CLSTN2: variants seen among roughly 807,000 people sequenced by gnomAD.
The protein encoded by CLSTN2 is calsyntenin-2.
Under a neutral mutation model 101.2 loss-of-function variants are expected in CLSTN2, and 48 were observed. That is an observed-to-expected ratio of 0.47 (90% CI 0.38 to 0.60). CLSTN2 has a LOEUF of 0.60. Among genes scored for constraint, CLSTN2 ranks in the 20% least tolerant of loss-of-function variants. CLSTN2 has a pLI of 0.00. For missense variants in CLSTN2, 1,160 were observed against 1,238.2 expected, an observed-to-expected ratio of 0.94 and a Z score of 0.95; for synonymous variants, 481 against 463.6, an observed-to-expected ratio of 1.04 and a Z score of -0.48.
At chr3:140,059,454 T>G (rs2008157715) in intron 1 of CLSTN2, among the ~76,000 whole-genome samples, 1 of 151,720 alleles carries the variant, frequency 6.6e-6, no homozygotes, top group Admixed American at 6.5e-5. Context: ...GTGTTCCTGA[T>G]GGAGCTAAAA....
At chr3:139,964,450 G>A (rs1410930013) in intron 1 of CLSTN2, among the ~76,000 whole-genome samples, 1 of 152,144 alleles carries the variant, frequency 6.6e-6, no homozygotes, top group African/African-American at 2.4e-5. Context: ...TGCAGGATAT[G>A]GAGAGTCAGA....
intron 4 of CLSTN2, among the ~76,000 whole-genome samples, chr3:140,418,717 C>G (rs1359452791): frequency 1.3e-5 from 2 of 152,080 alleles, no homozygotes; most frequent in East Asian, 3.9e-4. Flanking sequence ...AGGGTTTCAC[C>G]TTGTTGGTCA....
chr3:140,250,833 G>A (rs2086557972), intron 2 of CLSTN2, among the ~76,000 whole-genome samples: 1 of 152,180 alleles, frequency 6.6e-6, no homozygotes, highest in African/African-American at 2.4e-5. Flanking sequence ...CTTCATTAAT[G>A]TGAAATGTAG....
chr3:140,468,368 G>T (rs1933758574), intron 8 of CLSTN2, among the ~76,000 whole-genome samples: 1 of 152,202 alleles, frequency 6.6e-6, no homozygotes, highest in Non-Finnish European at 1.5e-5. Context: ...GAGAGGCATT[G>T]ATGCAGGCAA....
intron 1 of CLSTN2, among the ~76,000 whole-genome samples, chr3:140,067,901 T>C: frequency 6.6e-6 from 1 of 152,174 alleles, no homozygotes; most frequent in East Asian, 1.9e-4. Flanking sequence ...ACTGTCTCTC[T>C]GGTTGAAAGG....
chr3:139,997,422 A>G (rs2006695212), intron 1 of CLSTN2, among the ~76,000 whole-genome samples: 1 of 152,240 alleles, frequency 6.6e-6, no homozygotes, highest in African/African-American at 2.4e-5. Flanking sequence ...CAATTTTTAC[A>G]CATGGAGAAC....
chr3:140,092,968 C>CT (rs1446221273), intron 1 of CLSTN2, among the ~76,000 whole-genome samples: 1 of 152,078 alleles, frequency 6.6e-6, no homozygotes, highest in Admixed American at 6.5e-5. Context: ...TGCTGATCAG[C>CT]TTTTTTGGAA....
chr3:140,470,521 G>A (rs561548096), intron 8 of CLSTN2, among the ~76,000 whole-genome samples: 1 of 152,218 alleles, frequency 6.6e-6, no homozygotes, highest in African/African-American at 2.4e-5. Flanking sequence ...GTGTGGTGGG[G>A]CATAGGCATA....
At chr3:139,980,833 AAG>A (rs1560060705) in intron 1 of CLSTN2, among the ~76,000 whole-genome samples, 1 of 152,102 alleles carries the variant, frequency 6.6e-6, no homozygotes, top group Non-Finnish European at 1.5e-5. Flanking sequence ...TACAGGATAT[AAG>A]AGACTTCAGA....
At position 140,497,063 on chromosome 3, in the gene CLSTN2, T is replaced by C. The variant is rs1318729114; in HGVS notation, c.1344+30332T>C. On this transcript the variant is annotated intron_variant, in intron 8 of 16. Transcript: ENST00000458420. ...TTGCAGTAAGCCGAGATTGCGCTATTAACCTCTAGCTTGGGTGACACAGCG... is the reference window on the plus strand; with the variant it reads ...TTGCAGTAAGCCGAGATTGCGCTATCAACCTCTAGCTTGGGTGACACAGCG... 5.6e-5 allele frequency among the ~76,000 whole-genome samples: 8 copies of C among 142,548 alleles called. No individual in the cohort carries two copies. In the Admixed American group the frequency reaches 6.0e-4, roughly 11 times the overall value. 93.5% of individuals were successfully genotyped at this position (142,548 alleles called of 152,430 possible). A position where few individuals can be genotyped will look rare whatever the true frequency, so the allele number is the denominator to read the frequency against.
chr3:140,055,627 G>A (rs574469677), intron 1 of CLSTN2, among the ~76,000 whole-genome samples: 290 of 152,296 alleles, frequency 1.9e-3, no homozygotes, highest in Non-Finnish European at 3.6e-3. Flanking sequence ...AAACTAAAGC[G>A]TTCAGCGTAG....
intron 1 of CLSTN2, among the ~76,000 whole-genome samples, chr3:140,002,641 A>G (rs979929739): frequency 6.6e-6 from 1 of 152,188 alleles, no homozygotes; most frequent in Non-Finnish European, 1.5e-5. Context: ...TGCTCAGACC[A>G]AAGTCCTGGA....
At chr3:140,522,960 C>G (rs759930179) in intron 8 of CLSTN2, among the ~76,000 whole-genome samples, 5 of 152,192 alleles carry the variant, frequency 3.3e-5, no homozygotes, top group Non-Finnish European at 7.3e-5. Flanking sequence ...GAGCTTATCT[C>G]TAGTAGTAAT....
intron 2 of CLSTN2, among the ~76,000 whole-genome samples, chr3:140,181,426 G>C (rs918400768): frequency 6.6e-6 from 1 of 152,102 alleles, no homozygotes; most frequent in Non-Finnish European, 1.5e-5. Flanking sequence ...ATTATAATCT[G>C]TGATTTTTTT....
At chr3:140,284,204 A>ATTTATC (rs2086874297) in intron 2 of CLSTN2, among the ~76,000 whole-genome samples, 1 of 152,228 alleles carries the variant, frequency 6.6e-6, no homozygotes, top group African/African-American at 2.4e-5. Flanking sequence ...ATTTTATCAA[A>ATTTATC]ATAAGAATTT....
intron 2 of CLSTN2, among the ~76,000 whole-genome samples, chr3:140,189,611 G>A (rs1018626636): frequency 1.3e-5 from 2 of 151,818 alleles, no homozygotes; most frequent in African/African-American, 2.4e-5. Context: ...ATATTCTTAC[G>A]GTTGAGTTTT....
At chr3:140,216,304 CT>C (rs2010920664) in intron 2 of CLSTN2, among the ~76,000 whole-genome samples, 1 of 151,984 alleles carries the variant, frequency 6.6e-6, no homozygotes, top group Non-Finnish European at 1.5e-5. Flanking sequence ...GATACAAGAT[CT>C]TTAGAGAAGC....
intron 1 of CLSTN2, among the ~76,000 whole-genome samples, chr3:140,090,008 T>G (rs2008749505): frequency 1.7e-5 from 2 of 114,476 alleles, no homozygotes; most frequent in Non-Finnish European, 3.3e-5. Flanking sequence ...TTTAACAGAC[T>G]GAGTATATAT....
At chr3:140,258,974 T>C (rs763044492) in intron 2 of CLSTN2, among the ~76,000 whole-genome samples, 3 of 152,202 alleles carry the variant, frequency 2.0e-5, no homozygotes, top group Non-Finnish European at 4.4e-5. Flanking sequence ...TCATGACTGC[T>C]TATGTGGAGC....
Sources: gnomAD v4.1 joint callset for allele counts (sites outside exome capture counted in the v4.1 genomes callset) on GRCh38, gnomAD v4.1.1 for gene constraint, MANE v1.5 for transcripts, NCBI Gene and HGNC (gene_info 2026-07-23, HGNC 2026-07-21) for gene names.